GRM5: variants seen among roughly 807,000 people sequenced by gnomAD.
GRM5 encodes the protein glutamate metabotropic receptor 5.
GRM5 carries 19 observed loss-of-function variants against 83.1 expected under a neutral mutation model. The ratio of observed to expected loss-of-function variants is 0.23; its 90% CI spans 0.16 to 0.34. The LOEUF (loss-of-function observed/expected upper bound fraction) is 0.34. Ranked by LOEUF, GRM5 falls within the 10% of genes least tolerant of loss-of-function variation. The pLI is 1.00. For missense variants in GRM5, 1,160 were observed against 1,588.3 expected, an observed-to-expected ratio of 0.73 and a Z score of 4.58; for synonymous variants, 675 against 633.6, an observed-to-expected ratio of 1.07 and a Z score of -0.98.
Position 88,567,169 on chromosome 11 carries a change from G to A in GRM5, c.2514C>T (p.Thr838=), listed in dbSNP as rs764269801. ...CATGCATGCGCACCACGGTAGATGT[G>A]GTGAAGGCGCTGCGCACGTTTCTCT... ...KPERNVRSAF[T]TSTVVRMHVG... is the part of the protein sequence containing the mutation. The change falls in exon 8 of 10, where the codon ACC becomes ACT. Residue 838 remains threonine (T), a synonymous_variant. Transcript: ENST00000305447. This position sits in a 1 kb window ranked among gnomAD's most constrained non-coding sequence, Gnocchi z 7.3. The A allele has an allele frequency of 1.2e-6, 2 of 1,613,900 alleles. No individual in the cohort carries two copies. The highest frequency in any genetic ancestry group is 1.3e-5 in the African/African-American group (1 of 74,896).
chr11:88,841,095 G>A (rs1944192128), intron 3 of GRM5, among the ~76,000 whole-genome samples: 1 of 152,148 alleles, frequency 6.6e-6, no homozygotes, highest in Non-Finnish European at 1.5e-5. Context: ...CAAAAAACAG[G>A]AGGGTTAGCT....
chr11:88,909,951 C>A (rs1945468263), intron 2 of GRM5, among the ~76,000 whole-genome samples: 1 of 152,014 alleles, frequency 6.6e-6, no homozygotes, highest in Non-Finnish European at 1.5e-5. Context: ...TCCATCTGAA[C>A]CATTTTAAGG....
rs138570101 is a variant in GRM5 at position 88,931,574 on chromosome 11, T to C, written c.662-81419A>G. Reference sequence around the variant, plus strand: ...CCAAAAGCAGGGCTGGAAAACCATGTTGAGGAACTAGCATGAGCAAAGACA... The same window carrying C: ...CCAAAAGCAGGGCTGGAAAACCATGCTGAGGAACTAGCATGAGCAAAGACA... On this transcript the variant is annotated intron_variant, in intron 2 of 9. Coordinates refer to ENST00000305447, the MANE Select transcript of GRM5 (RefSeq NM_001143831.3). Among the ~76,000 whole-genome samples, 13 of 152,232 alleles carry C rather than the reference T, an allele frequency of 8.5e-5. No individual in the cohort carries two copies. The East Asian group carries it at 2.3e-3, about 27-fold the overall frequency.
At chr11:88,787,932 T>C (rs896638209) in intron 3 of GRM5, among the ~76,000 whole-genome samples, 2 of 152,170 alleles carry the variant, frequency 1.3e-5, no homozygotes, top group African/African-American at 4.8e-5. Flanking sequence ...GGCAGGTCAA[T>C]ACATAGGCTA....
chr11:88,568,110 A>C (rs186291011), intron 7 of GRM5, 118 bp from the exon 8 acceptor site: 1 of 625,546 alleles, frequency 1.6e-6, no homozygotes, highest in Non-Finnish European at 2.8e-6. Flanking sequence ...CTACCTTTCT[A>C]ATTTCAGAAT....
At chr11:89,053,007 T>C (rs1190347937) in intron 1 of GRM5, among the ~76,000 whole-genome samples, 2 of 152,190 alleles carry the variant, frequency 1.3e-5, no homozygotes, top group Non-Finnish European at 2.9e-5. Context: ...TTTTAACTAT[T>C]TCTTGCTGCC....
chr11:88,541,296 A>G (rs1942261776), intron 8 of GRM5, among the ~76,000 whole-genome samples: 1 of 152,158 alleles, frequency 6.6e-6, no homozygotes, highest in African/African-American at 2.4e-5. Context: ...AGTACTTAGT[A>G]TTTGCTAGGT....
At chr11:88,573,263 C>T (rs1184070730) in intron 7 of GRM5, among the ~76,000 whole-genome samples, 2 of 152,068 alleles carry the variant, frequency 1.3e-5, no homozygotes, top group Non-Finnish European at 2.9e-5. Context: ...TAATGTGTTC[C>T]CCATAAGTCT....
intron 3 of GRM5, among the ~76,000 whole-genome samples, chr11:88,769,658 G>C (rs928158113): frequency 4.6e-5 from 7 of 152,080 alleles, no homozygotes; most frequent in Non-Finnish European, 5.9e-5. Context: ...TCAACTGAAA[G>C]AACTCCTAGT....
intron 3 of GRM5, among the ~76,000 whole-genome samples, chr11:88,679,519 T>C (rs980028444): frequency 6.6e-6 from 1 of 152,150 alleles, no homozygotes; most frequent in Non-Finnish European, 1.5e-5. Flanking sequence ...GTATATTCAA[T>C]CTATCTATCC....
intron 2 of GRM5, among the ~76,000 whole-genome samples, chr11:89,023,197 G>C (rs1231093628): frequency 6.6e-6 from 1 of 151,364 alleles, no homozygotes; most frequent in African/African-American, 2.4e-5. Context: ...TCATTGTGTG[G>C]GTACATGGAA....
At chr11:88,712,563 A>G (rs1941306610) in intron 3 of GRM5, among the ~76,000 whole-genome samples, 1 of 152,048 alleles carries the variant, frequency 6.6e-6, no homozygotes, top group Non-Finnish European at 1.5e-5. Flanking sequence ...CTTGCATGGA[A>G]ATAAGGTAGG....
chr11:88,653,645 G>C (rs1939694297), intron 3 of GRM5, among the ~76,000 whole-genome samples: 1 of 151,948 alleles, frequency 6.6e-6, no homozygotes, highest in Admixed American at 6.6e-5. Context: ...TTAAACTGCA[G>C]AAAATAACCT....
chr11:88,903,668 T>C (rs556820915), intron 2 of GRM5, among the ~76,000 whole-genome samples: 4 of 152,282 alleles, frequency 2.6e-5, no homozygotes, highest in African/African-American at 9.6e-5. Context: ...TTCAACATTC[T>C]CACTTACAAG....
rs531902109 is a variant in GRM5 at position 89,015,520 on chromosome 11, T to A, written c.661+31692A>T. Among the ~76,000 whole-genome samples, 508 of 150,508 alleles carry A rather than the reference T, an allele frequency of 3.4e-3. 1 individual carries two copies. Among genetic ancestry groups the A allele is most frequent in the African/African-American group, 0.012 (474 of 40,134 alleles). The stretch of plus-strand genomic sequence containing the variant: ...CAGGTAGTCACTCATAAAAAAAACT[T>A]TTTTTCTGGATATTAGTCTGCCCTC... On this transcript the variant is annotated intron_variant, in intron 2 of 9. Coordinates refer to ENST00000305447, the MANE Select transcript of GRM5 (RefSeq NM_001143831.3).
At chr11:88,631,606 C>G (rs1230567359) in intron 4 of GRM5, among the ~76,000 whole-genome samples, 2 of 152,042 alleles carry the variant, frequency 1.3e-5, no homozygotes, top group Non-Finnish European at 2.9e-5. Context: ...GTAACTGGCC[C>G]CCGGTTACAG....
chr11:88,967,850 A>G (rs1241938065), intron 2 of GRM5, among the ~76,000 whole-genome samples: 1 of 152,104 alleles, frequency 6.6e-6, no homozygotes, highest in Non-Finnish European at 1.5e-5. Flanking sequence ...GATGCACCCA[A>G]GACAGACCAA....
chr11:88,771,254 A>C (rs940944627), intron 3 of GRM5, among the ~76,000 whole-genome samples: 1 of 152,070 alleles, frequency 6.6e-6, no homozygotes, highest in Non-Finnish European at 1.5e-5. Context: ...GAAGTTTATT[A>C]AGGAGAATGG....
chr11:88,767,733 T>A (rs1411648297), intron 3 of GRM5, among the ~76,000 whole-genome samples: 3 of 151,830 alleles, frequency 2.0e-5, no homozygotes, highest in African/African-American at 7.3e-5. Context: ...ATCCTATGCT[T>A]ATTACCTGAG....
Sources: allele counts gnomAD v4.1 joint callset (sites outside exome capture counted in the v4.1 genomes callset), GRCh38; gene constraint gnomAD v4.1.1; non-coding constraint Gnocchi (gnomAD v3.1); transcripts MANE v1.5; gene names NCBI Gene and HGNC (gene_info 2026-07-23, HGNC 2026-07-21).